Variants in METTL5 observed in about 807,000 individuals in gnomAD.
The protein encoded by METTL5 is rRNA N(6)-adenosine-methyltransferase METTL5.
Under a neutral mutation model 26.5 loss-of-function variants are expected in METTL5, and 28 were observed. The observed-to-expected ratio is 1.06, with a 90% confidence interval of 0.78 to 1.45. The LOEUF is 1.45. Among genes scored for constraint, METTL5 ranks in the 40% most tolerant of loss-of-function variants. METTL5 has a pLI of 0.00. For missense variants in METTL5, 231 were observed against 249.9 expected (o/e 0.92, Z 0.51); for synonymous variants, 86 against 82.6 (o/e 1.04, Z -0.22).
intron 1 of METTL5, 70 bp downstream of exon 1, chr2:169,824,419 G>C (rs2081624962): frequency 8.4e-7 from 1 of 1,193,184 alleles, no homozygotes; most frequent in African/African-American, 1.5e-5. Flanking sequence ...CCAAATAACT[G>C]TTCTATTTTT....
intron 2 of METTL5, among the ~76,000 whole-genome samples, chr2:169,821,635 C>T (rs1253847510): frequency 1.3e-5 from 2 of 152,196 alleles, no homozygotes; most frequent in Non-Finnish European, 2.9e-5. Context: ...ATCTGTCCAC[C>T]TTGGCCTCCC....
intron 4 of METTL5, among the ~76,000 whole-genome samples, chr2:169,818,515 G>A (rs1460491719): frequency 6.6e-6 from 1 of 152,160 alleles, no homozygotes; most frequent in Non-Finnish European, 1.5e-5. Flanking sequence ...CATATATAGT[G>A]AGTGAGGATT....
rs759970774 is a variant in METTL5 at position 169,822,031 on chromosome 2, T to C, written c.136A>G (p.Thr46Ala). Residue 46 changes from threonine (T) to alanine (A), a missense_variant, in exon 2 of 7, where the codon ACT becomes GCT. Thr to Ala is a moderately conservative substitution (Grantham distance 58, BLOSUM62 0). Coordinates refer to ENST00000260953, the MANE Select transcript of METTL5 (RefSeq NM_014168.4). Reference sequence around the variant, plus strand: ...ACTTTATTTTCAATGTCATCATAAGTGTTATGGATTGTATAGAGCATACAT... The same window carrying C: ...ACTTTATTTTCAATGTCATCATAAGCGTTATGGATTGTATAGAGCATACAT... ...AACMLYTIHN[T>A]YDDIENKVVA... 2.5e-6 allele frequency: 4 copies of C among 1,610,490 alleles called. No homozygotes were observed. Among genetic ancestry groups the C allele is most frequent in the Non-Finnish European group, 3.4e-6 (4 of 1,179,650 alleles).
intron 1 of METTL5, 48 bp downstream of exon 1, chr2:169,824,441 G>C (rs751475997): frequency 2.1e-5 from 28 of 1,328,340 alleles, no homozygotes; most frequent in Non-Finnish European, 2.9e-5. Context: ...TCACAGAGTA[G>C]ACTGGACTAA....
Position 169,821,269 on chromosome 2 carries a change from A to G in METTL5, c.229T>C (p.Cys77Arg). The G allele has an allele frequency of 6.2e-7, 1 of 1,601,658 alleles. No homozygotes were observed. The highest frequency in any genetic ancestry group is 8.5e-7 in the Non-Finnish European group (1 of 1,175,206). ...TCTTCATCTATGTCAAATCCAACAC[A>G]CAACCTATAAATACAAAACACATAC... ...IGTAMLGAGL[C>R]VGFDIDEDAL... Residue 77 changes from cysteine to arginine, a missense_variant, in exon 3 of 7, where the codon TGT becomes CGT. Coordinates refer to ENST00000260953, the MANE Select transcript of METTL5 (RefSeq NM_014168.4).
chr2:169,824,483 C>G lies in METTL5; in HGVS notation c.109+6G>C. The G allele has an allele frequency of 1.9e-6, 3 of 1,610,698 alleles. No individual in the cohort carries two copies. Among genetic ancestry groups the G allele is most frequent in the Non-Finnish European group, 1.7e-6 (2 of 1,176,866 alleles). ...AAGCCGGGGCGTGGTGAACCAGCCG[C>G]CCTACCTGCAATGTGCGGCCTGGTA... On this transcript the variant is annotated splice_donor_region_variant and intron_variant, in intron 1 of 6. Transcript: ENST00000260953.
intron 6 of METTL5, 71 bp downstream of exon 6, chr2:169,812,386 A>G (rs1349605181): frequency 1.4e-5 from 23 of 1,611,982 alleles, no homozygotes; most frequent in East Asian, 2.2e-5. Flanking sequence ...GATTACAGGC[A>G]TGAACCACCA....
chr2:169,822,449 G>GT (rs2081598553), intron 1 of METTL5, among the ~76,000 whole-genome samples: 1 of 152,118 alleles, frequency 6.6e-6, no homozygotes, highest in South Asian at 2.1e-4. Flanking sequence ...AGAGTAAATA[G>GT]TTTTTAAAAA....
intron 4 of METTL5, among the ~76,000 whole-genome samples, chr2:169,819,138 G>A (rs113539286): frequency 6.6e-6 from 1 of 152,254 alleles, no homozygotes; most frequent in African/African-American, 2.4e-5. Flanking sequence ...AGTAAGAATA[G>A]GTGATTTCTG....
chr2:169,813,168 C>A (rs977335721), intron 5 of METTL5: 13 of 147,136 alleles, frequency 8.8e-5, no homozygotes, highest in Admixed American at 6.9e-4. Context: ...CGCTCTGTTG[C>A]TCAGGCTGGA....
At chr2:169,820,188 C>A (rs1454711580) in intron 3 of METTL5, among the ~76,000 whole-genome samples, 2 of 152,122 alleles carry the variant, frequency 1.3e-5, no homozygotes, top group African/African-American at 4.8e-5. Flanking sequence ...AACTCCCGAC[C>A]TCAGGTAATC....
At chr2:169,823,887 T>A (rs1169333968) in intron 1 of METTL5, among the ~76,000 whole-genome samples, 1 of 152,196 alleles carries the variant, frequency 6.6e-6, no homozygotes, top group Non-Finnish European at 1.5e-5. Flanking sequence ...CATAAATATA[T>A]GTTGTCCTGT....
At chr2:169,815,571 A>C (rs1215131830) in intron 4 of METTL5, 43 bp from the exon 5 acceptor site, 1 of 1,456,876 alleles carries the variant, frequency 6.9e-7, no homozygotes, top group Non-Finnish European at 9.4e-7. Flanking sequence ...TTTTTAAATA[A>C]TGATTTTTTA....
At chr2:169,811,963 A>G (rs929945883) in intron 6 of METTL5, 105 bp from the exon 7 acceptor site, 6 of 1,298,362 alleles carry the variant, frequency 4.6e-6, no homozygotes, top group East Asian at 2.4e-5. Flanking sequence ...AGATGATTCA[A>G]ATATCAAAAG....
chr2:169,824,686 C>T lies in METTL5; in HGVS notation c.-89G>A. On this transcript the variant is annotated 5_prime_UTR_variant, in exon 1 of 7. Coordinates refer to ENST00000260953, the MANE Select transcript of METTL5 (RefSeq NM_014168.4). ...CTGGGATCTTGTTTCCTCCCTACCCCCAACCTTCTCCCTTTTTCAGCACCG... is the reference window on the plus strand; with the variant it reads ...CTGGGATCTTGTTTCCTCCCTACCCTCAACCTTCTCCCTTTTTCAGCACCG... The T allele has an allele frequency of 1.9e-6, 2 of 1,056,006 alleles. No homozygotes were observed. Among genetic ancestry groups the T allele is most frequent in the South Asian group, 1.3e-5 (1 of 78,678 alleles). 65.4% of individuals were successfully genotyped at this position (1,056,006 alleles called of 1,614,324 possible). A position where few individuals can be genotyped will look rare whatever the true frequency, so the allele number is the denominator to read the frequency against.
In METTL5 at chr2:169,812,583, CAA is replaced by C. The variant is rs1690010132; in HGVS notation, c.542-79_542-78del. On this transcript the variant is annotated intron_variant, in intron 5 of 6. Transcript: ENST00000260953. Reference sequence around the variant, plus strand: ...ACCCTTGACTAAACAACAACAACAACAAAAACTAAGAAAAGTGTTAAGTGCTG... The same window carrying C: ...ACCCTTGACTAAACAACAACAACAACAAACTAAGAAAAGTGTTAAGTGCTG... 2.7e-6 allele frequency: 4 copies of C among 1,459,856 alleles called. No individual in the cohort carries two copies. The Admixed American group carries it at 8.1e-5, about 30-fold the overall frequency. The allele number at this position is 1,459,856 out of a possible 1,614,324, so 90.4% of individuals were successfully genotyped here.
rs879194761 is a variant in METTL5 at position 169,812,249 on chromosome 2, T to C, written c.591+208A>G. On this transcript the variant is annotated intron_variant, in intron 6 of 6. Coordinates refer to ENST00000260953, the MANE Select transcript of METTL5 (RefSeq NM_014168.4). ...CTTGTCACAAAGCTTTCCTTTTTTT[T>C]TCTTTTTCGAGACTGAGTCTCACTC... 7.0e-5 allele frequency: 51 copies of C among 725,110 alleles called. 1 individual carries two copies. The South Asian group carries it at 9.5e-4, about 13-fold the overall frequency. 44.9% of individuals were successfully genotyped at this position (725,110 alleles called of 1,614,324 possible).
At chr2:169,819,411 C>T in intron 4 of METTL5, 150 bp downstream of exon 4, 1 of 538,476 alleles carries the variant, frequency 1.9e-6, no homozygotes, top group Non-Finnish European at 3.2e-6. Flanking sequence ...CAATCAGATG[C>T]TAGCTGGTTA....
At chr2:169,818,270 T>A (rs2081538262) in intron 4 of METTL5, among the ~76,000 whole-genome samples, 1 of 152,210 alleles carries the variant, frequency 6.6e-6, no homozygotes, top group Admixed American at 6.5e-5. Context: ...ATTAATTGTG[T>A]CCTGTGTTAT....
Sources: gnomAD v4.1 joint callset for allele counts (sites outside exome capture counted in the v4.1 genomes callset) on GRCh38, gnomAD v4.1.1 for gene constraint, MANE v1.5 for transcripts, NCBI Gene and HGNC (gene_info 2026-07-23, HGNC 2026-07-21) for gene names.